The following BBS9 variants were observed in gnomAD, a reference collection of about 807,000 sequenced individuals.
BBS9 encodes the protein Bardet-Biedl syndrome 9, also known as protein PTHB1.
Under a neutral mutation model 117.7 loss-of-function variants are expected in BBS9, and 89 were observed. The ratio of observed to expected loss-of-function variants is 0.76; its 90% CI spans 0.64 to 0.90. The LOEUF (loss-of-function observed/expected upper bound fraction) is 0.90, where lower values mean the gene tolerates loss of function less well. Among genes scored for constraint, BBS9 ranks in the 40% least tolerant of loss-of-function variants. The pLI is 0.00. For missense variants in BBS9, 982 were observed against 1,042.2 expected (o/e 0.94, Z 0.80); for synonymous variants, 379 against 370.9 (o/e 1.02, Z -0.25).
intron 21 of BBS9, among the ~76,000 whole-genome samples, chr7:33,547,022 T>A (rs1416874598): frequency 6.6e-6 from 1 of 152,180 alleles, no homozygotes. Flanking sequence ...TGTATTTTTT[T>A]AAAGTTTTTT....
intron 21 of BBS9, among the ~76,000 whole-genome samples, chr7:33,569,269 A>C (rs1383811456): frequency 2.4e-4 from 36 of 152,184 alleles, no homozygotes; most frequent in Admixed American, 2.3e-3. Flanking sequence ...AGCAGTGTGG[A>C]TTATCAATTC....
At chr7:33,565,781 G>GTATATATATATA (rs70989957) in intron 21 of BBS9, among the ~76,000 whole-genome samples, 1 of 65,664 alleles carries the variant, frequency 1.5e-5, no homozygotes, top group African/African-American at 5.1e-5. Flanking sequence ...GCTATCAGTA[G>GTATATATATATA]TATATATATA....
intron 4 of BBS9, among the ~76,000 whole-genome samples, chr7:33,159,928 A>C (rs1794606675): frequency 6.6e-6 from 1 of 152,210 alleles, no homozygotes; most frequent in Non-Finnish European, 1.5e-5. Context: ...TAGATCAAAG[A>C]ATGAGCTAGA....
intron 5 of BBS9, among the ~76,000 whole-genome samples, chr7:33,178,790 T>TA (rs976614328): frequency 1.3e-5 from 2 of 152,038 alleles, no homozygotes; most frequent in African/African-American, 4.8e-5. Context: ...TTTTTTTTTT[T>TA]ATTAATACAT....
downstream of BBS9, chr7:33,606,147 G>T (rs1476860261): frequency 6.6e-6 from 1 of 152,006 alleles, no homozygotes; most frequent in Non-Finnish European, 1.5e-5. Flanking sequence ...AACTGCAGAG[G>T]ATGTATTACT....
intron 21 of BBS9, among the ~76,000 whole-genome samples, chr7:33,563,047 T>C (rs2129119200): frequency 6.6e-6 from 1 of 152,302 alleles, no homozygotes; most frequent in South Asian, 2.1e-4. Context: ...GGTATAATTA[T>C]TATTATAGAG....
chr7:33,326,149 G>C (rs375152472), intron 9 of BBS9, among the ~76,000 whole-genome samples: 1 of 152,078 alleles, frequency 6.6e-6, no homozygotes, highest in Non-Finnish European at 1.5e-5. Flanking sequence ...CAGAAACTTA[G>C]GAATCTACCT....
intron 19 of BBS9, among the ~76,000 whole-genome samples, chr7:33,502,349 A>G (rs535553993): frequency 3.9e-4 from 60 of 152,298 alleles, no homozygotes; most frequent in African/African-American, 1.3e-3. Context: ...TACTTCCACC[A>G]TGGCTGATTT....
chr7:33,511,031 T>C (rs573920121), intron 20 of BBS9, among the ~76,000 whole-genome samples: 6 of 152,302 alleles, frequency 3.9e-5, no homozygotes, highest in Admixed American at 3.3e-4. Flanking sequence ...GATGTATGCA[T>C]ATAAGAGAGG....
intron 21 of BBS9, among the ~76,000 whole-genome samples, chr7:33,581,786 A>G (rs551130316): frequency 6.6e-6 from 1 of 152,346 alleles, no homozygotes; most frequent in African/African-American, 2.4e-5. Flanking sequence ...AGTAAAAGCC[A>G]TAATATATAT....
intron 19 of BBS9, among the ~76,000 whole-genome samples, chr7:33,468,972 A>G (rs1840586165): frequency 6.6e-6 from 1 of 150,728 alleles, no homozygotes; most frequent in South Asian, 2.1e-4. Flanking sequence ...AAACAGGCAT[A>G]CAGATTTCTC....
intron 21 of BBS9, among the ~76,000 whole-genome samples, chr7:33,599,952 G>A (rs1171165662): frequency 6.6e-6 from 1 of 152,116 alleles, no homozygotes; most frequent in Non-Finnish European, 1.5e-5. Flanking sequence ...ACTAGAGAGA[G>A]AGCTGCCACA....
At chr7:33,315,575 G>T (rs1431539947) in intron 9 of BBS9, among the ~76,000 whole-genome samples, 2 of 152,086 alleles carry the variant, frequency 1.3e-5, no homozygotes, top group Admixed American at 6.6e-5. Flanking sequence ...AGACCATTTT[G>T]GTCATATTTG....
intron 19 of BBS9, among the ~76,000 whole-genome samples, chr7:33,489,605 C>T (rs1341568015): frequency 6.6e-6 from 1 of 152,026 alleles, no homozygotes; most frequent in Admixed American, 6.6e-5. Context: ...GCCAGTTCCC[C>T]AATAATCTGT....
At chr7:33,197,129 A>G (rs1268758767) in intron 5 of BBS9, among the ~76,000 whole-genome samples, 1 of 152,146 alleles carries the variant, frequency 6.6e-6, no homozygotes, top group African/African-American at 2.4e-5. Flanking sequence ...AATTTCTTTC[A>G]TGGTAGCTAA....
chr7:33,206,655 C>A (rs1786986068), intron 5 of BBS9, among the ~76,000 whole-genome samples: 2 of 152,010 alleles, frequency 1.3e-5, no homozygotes, highest in South Asian at 4.2e-4. Context: ...TAGAAATATT[C>A]TTATATAACC....
intron 17 of BBS9, among the ~76,000 whole-genome samples, chr7:33,368,616 A>ACACACACACC (rs996468631): frequency 1.8e-4 from 26 of 145,696 alleles, no homozygotes; most frequent in African/African-American, 6.6e-4. Flanking sequence ...ACACACACAC[A>ACACACACACC]CCCATACCCC....
At chr7:33,475,041 T>G (rs1292213850) in intron 19 of BBS9, among the ~76,000 whole-genome samples, 1 of 152,230 alleles carries the variant, frequency 6.6e-6, no homozygotes, top group African/African-American at 2.4e-5. Context: ...TTTGCCTTCC[T>G]AAGCAATCCA....
chr7:33,277,173 G>T (rs1017099691), intron 9 of BBS9: 3 of 157,644 alleles, frequency 1.9e-5, no homozygotes, highest in Admixed American at 1.3e-4. Context: ...TGTTTACCCT[G>T]CAGAGGCCTG....
Sources: allele counts gnomAD v4.1 joint callset (sites outside exome capture counted in the v4.1 genomes callset), GRCh38; gene constraint gnomAD v4.1.1; transcripts MANE v1.5; gene names NCBI Gene and HGNC (gene_info 2026-07-23, HGNC 2026-07-21).